SLC24A2: variants seen among roughly 807,000 people sequenced by gnomAD.
SLC24A2 encodes sodium/potassium/calcium exchanger 2.
A neutral mutation model predicts 62.0 loss-of-function variants in SLC24A2; 36 were observed. That is an observed-to-expected ratio of 0.58 (90% CI 0.44 to 0.77). The LOEUF is 0.77. Among genes scored for constraint, SLC24A2 ranks in the 30% least tolerant of loss-of-function variants. The pLI is 0.00. For synonymous variants in SLC24A2, 358 were observed against 294.0 expected, an observed-to-expected ratio of 1.22 and a Z score of -2.23; for missense variants, 846 against 817.9, an observed-to-expected ratio of 1.03 and a Z score of -0.42.
chr9:20,134,084 G>T, the SLC24A2 span, among the ~76,000 whole-genome samples: 1 of 152,240 alleles, frequency 6.6e-6, no homozygotes, highest in African/African-American at 2.4e-5. Flanking sequence ...ACAGCTTCAT[G>T]AAAACTATGA....
chr9:20,017,870 T>C, the SLC24A2 span, among the ~76,000 whole-genome samples: 1 of 152,236 alleles, frequency 6.6e-6, no homozygotes, highest in Non-Finnish European at 1.5e-5. Flanking sequence ...AGGGTGGGTC[T>C]GCCTCTCCCA....
At chr9:19,543,656 C>T (rs549610072) in intron 8 of SLC24A2, among the ~76,000 whole-genome samples, 1 of 152,244 alleles carries the variant, frequency 6.6e-6, no homozygotes, top group African/African-American at 2.4e-5. Flanking sequence ...TTTCAAAGAA[C>T]ATCTTTGTTT....
the SLC24A2 span, among the ~76,000 whole-genome samples, chr9:19,916,981 GTTT>G: frequency 5.1e-4 from 37 of 72,014 alleles, no homozygotes; most frequent in African/African-American, 1.4e-3. Context: ...TAACTTACCT[GTTT>G]TTTTTTTTTT....
the SLC24A2 span, among the ~76,000 whole-genome samples, chr9:20,247,365 T>G: frequency 2.6e-5 from 4 of 152,074 alleles, no homozygotes; most frequent in Admixed American, 6.5e-5. Flanking sequence ...GTGGTCTGAA[T>G]GTGCATGTCC....
the SLC24A2 span, among the ~76,000 whole-genome samples, chr9:19,976,721 T>A: frequency 1.2e-4 from 19 of 152,324 alleles, no homozygotes; most frequent in African/African-American, 4.1e-4. Flanking sequence ...ATAAGAAATT[T>A]GAGTGTCCAC....
In SLC24A2 at chr9:19,753,651, T is replaced by A. The variant is rs542145890; in HGVS notation, c.930+32286A>T. Among the ~76,000 whole-genome samples the A allele has an allele frequency of 7.2e-5, 11 of 152,312 alleles. No homozygotes were observed. The East Asian group carries it at 1.9e-3, about 27-fold the overall frequency. ...TTAGGCACTTCCTTGCTTTAATATTTTCTTATTTTTTCCACCAAGCACACT... is the reference window on the plus strand; with the variant it reads ...TTAGGCACTTCCTTGCTTTAATATTATCTTATTTTTTCCACCAAGCACACT... On this transcript the variant is annotated intron_variant, in intron 2 of 10. Coordinates refer to ENST00000341998, the MANE Select transcript of SLC24A2 (RefSeq NM_020344.4).
the SLC24A2 span, among the ~76,000 whole-genome samples, chr9:20,033,414 G>A: frequency 3.3e-5 from 5 of 152,182 alleles, no homozygotes; most frequent in Non-Finnish European, 5.9e-5. Context: ...AGGACTGCTA[G>A]GAGAAATAAA....
chr9:19,893,375 A>C, the SLC24A2 span, among the ~76,000 whole-genome samples: 11 of 152,164 alleles, frequency 7.2e-5, no homozygotes, highest in Non-Finnish European at 1.3e-4. Context: ...AGTTCCTGGG[A>C]AGGCTAGGCC....
In SLC24A2 at chr9:19,510,687, A is replaced by G. The variant is rs1477290897; in HGVS notation, c.*5466T>C. ...CCATGGCATTCTTTCAGACTTAGAT[A>G]TTTGTCTGTTTTTAAAGATTTTATT... On this transcript the variant is annotated 3_prime_UTR_variant, in exon 11 of 11. Transcript: ENST00000341998. 6.6e-6 allele frequency: 1 copy of G among 152,126 alleles called. No homozygotes were observed. Among genetic ancestry groups the G allele is most frequent in the African/African-American group, 2.4e-5 (1 of 41,426 alleles). The allele number at this position is 152,126 out of a possible 1,614,324, so 9.4% of individuals were successfully genotyped here. A position where few individuals can be genotyped will look rare whatever the true frequency, so the allele number is the denominator to read the frequency against.
At chr9:19,592,379 G>A (rs1212405473) in intron 5 of SLC24A2, among the ~76,000 whole-genome samples, 2 of 152,110 alleles carry the variant, frequency 1.3e-5, no homozygotes, top group East Asian at 3.8e-4. Context: ...TTCTGGAAAT[G>A]TCTTTGGTTA....
the SLC24A2 span, among the ~76,000 whole-genome samples, chr9:20,041,600 G>A: frequency 3.9e-5 from 6 of 152,194 alleles, no homozygotes; most frequent in Non-Finnish European, 8.8e-5. Context: ...GGGCAGTTAC[G>A]ATAGAGGAAA....
At chr9:20,128,576 C>A in the SLC24A2 span, among the ~76,000 whole-genome samples, 1 of 152,038 alleles carries the variant, frequency 6.6e-6, no homozygotes, top group East Asian at 1.9e-4. Flanking sequence ...TTTCAAAGGT[C>A]TTTTTCCCCA....
chr9:19,542,451 C>T (rs566853697), intron 8 of SLC24A2, among the ~76,000 whole-genome samples: 13 of 152,252 alleles, frequency 8.5e-5, no homozygotes, highest in African/African-American at 2.9e-4. Context: ...TGCCTGATTG[C>T]CCTGGCCAGA....
the SLC24A2 span, among the ~76,000 whole-genome samples, chr9:20,043,539 A>G: frequency 6.6e-6 from 1 of 152,196 alleles, no homozygotes; most frequent in Non-Finnish European, 1.5e-5. Flanking sequence ...AGATCAAAAC[A>G]TCAACATTAA....
At chr9:19,638,839 A>G (rs1818422078) in intron 2 of SLC24A2, among the ~76,000 whole-genome samples, 1 of 152,198 alleles carries the variant, frequency 6.6e-6, no homozygotes, top group African/African-American at 2.4e-5. Flanking sequence ...GGCACTCAAT[A>G]AACAGATATA....
At chr9:20,291,639 G>A in the SLC24A2 span, among the ~76,000 whole-genome samples, 2,737 of 152,266 alleles carry the variant, frequency 0.018, 36 homozygotes, top group Non-Finnish European at 0.028. Flanking sequence ...TTTGCTCATC[G>A]TGGCCTCCAC....
At chr9:19,994,662 T>G in the SLC24A2 span, among the ~76,000 whole-genome samples, 1 of 152,134 alleles carries the variant, frequency 6.6e-6, no homozygotes, top group Non-Finnish European at 1.5e-5. Context: ...CAGAGTGGCT[T>G]CCCAAGGACC....
the SLC24A2 span, among the ~76,000 whole-genome samples, chr9:20,235,157 AGGCTACTCG>A: frequency 6.6e-6 from 1 of 152,290 alleles, no homozygotes; most frequent in South Asian, 2.1e-4. Context: ...CCTCCCAGTT[AGGCTACTCG>A]GGGGTCAGGG....
At chr9:19,636,294 C>CTT (rs1169676250) in intron 2 of SLC24A2, among the ~76,000 whole-genome samples, 1 of 44,474 alleles carries the variant, frequency 2.2e-5, no homozygotes, top group Admixed American at 2.9e-4. Context: ...CTCTTCTTTT[C>CTT]TTTTCTTTTC....
Sources: allele counts gnomAD v4.1 joint callset (sites outside exome capture counted in the v4.1 genomes callset), GRCh38; gene constraint gnomAD v4.1.1; transcripts MANE v1.5; gene names NCBI Gene and HGNC (gene_info 2026-07-23, HGNC 2026-07-21).